Variants in FRMPD4 observed in about 807,000 individuals in gnomAD.
The protein encoded by FRMPD4 is FERM and PDZ domain-containing protein 4.
In FRMPD4, 22 loss-of-function variants were observed where a neutral mutation model predicts 94.1. The observed-to-expected ratio is 0.23, with a 90% CI of 0.17 to 0.33. The LOEUF is 0.33. Ranked by LOEUF, FRMPD4 falls within the 10% of genes least tolerant of loss-of-function variation. FRMPD4 has a pLI of 1.00. For synonymous variants in FRMPD4, 631 were observed against 548.6 expected (o/e 1.15, Z -2.10); for missense variants, 1,111 against 1,339.9 (o/e 0.83, Z 2.67).
intron 4 of FRMPD4, among the ~76,000 whole-genome samples, chrX:12,627,013 C>T (rs181991536): frequency 1.7e-3 from 186 of 110,897 alleles, no homozygotes; most frequent in Middle Eastern, 4.6e-3. Flanking sequence ...TGGTGGCTCA[C>T]GCCTGTAATC....
intron 1 of FRMPD4, among the ~76,000 whole-genome samples, chrX:12,226,834 T>C (rs1014661758): frequency 5.4e-5 from 6 of 110,480 alleles, no homozygotes; most frequent in Admixed American, 2.9e-4. Context: ...ACTATCTCTA[T>C]CTTCCCAGGC....
chrX:12,641,792 G>A (rs1211239537), intron 4 of FRMPD4, among the ~76,000 whole-genome samples: 4 of 112,252 alleles, frequency 3.6e-5, no homozygotes, highest in East Asian at 2.8e-4. Context: ...TATTTAACTC[G>A]GATTATAAAT....
At chrX:12,249,238 G>A (rs1211051720) in intron 1 of FRMPD4, among the ~76,000 whole-genome samples, 1 of 110,569 alleles carries the variant, frequency 9.0e-6, no homozygotes, top group Non-Finnish European at 1.9e-5. Flanking sequence ...GGCACACAAG[G>A]CATTTTTCAG....
intron 3 of FRMPD4, among the ~76,000 whole-genome samples, chrX:12,108,294 C>T (rs1196312713): frequency 9.0e-6 from 1 of 111,546 alleles, no homozygotes; most frequent in African/African-American, 3.3e-5. Flanking sequence ...AAAGAATTTT[C>T]AACCCAGAAT....
At chrX:12,715,714 A>G (rs1257259010) in intron 14 of FRMPD4, among the ~76,000 whole-genome samples, 1 of 112,302 alleles carries the variant, frequency 8.9e-6, no homozygotes, top group Admixed American at 9.4e-5. Context: ...TTAAGGGTAA[A>G]AGACATGTTG....
chrX:12,360,487 A>G (rs1481024195), intron 1 of FRMPD4, among the ~76,000 whole-genome samples: 3 of 111,414 alleles, frequency 2.7e-5, no homozygotes, highest in African/African-American at 9.8e-5. Flanking sequence ...ATGTAGGGGG[A>G]AAAAAGATGA....
chrX:12,420,501 T>C (rs892192223), intron 1 of FRMPD4, among the ~76,000 whole-genome samples: 27 of 112,028 alleles, frequency 2.4e-4, no homozygotes, highest in Non-Finnish European at 1.9e-5. Flanking sequence ...TCTCATCACC[T>C]GCCCTCCCTC....
At position 12,705,803 on chromosome X, in the gene FRMPD4, A is replaced by C. The variant is rs755647032; in HGVS notation, c.1198-1023A>C. 3.6e-5 allele frequency among the ~76,000 whole-genome samples: 4 copies of C among 111,775 alleles called. No individual in the cohort carries two copies. In the South Asian group the frequency reaches 1.5e-3, roughly 42 times the overall value. On this transcript the variant is annotated intron_variant, in intron 11 of 16. Coordinates refer to ENST00000675598, the MANE Select transcript of FRMPD4 (RefSeq NM_001368397.1). ...CAATCAACCTATCCATTTATCCATCACTGTCCTTTAAAGGTTGTTTTTCTA... is the reference window on the plus strand; with the variant it reads ...CAATCAACCTATCCATTTATCCATCCCTGTCCTTTAAAGGTTGTTTTTCTA...
intron 3 of FRMPD4, among the ~76,000 whole-genome samples, chrX:12,129,231 G>A (rs2055526001): frequency 8.9e-6 from 1 of 112,011 alleles, no homozygotes; most frequent in Non-Finnish European, 1.9e-5. Context: ...AAAGAAAAGA[G>A]GTTTAATTGA....
At chrX:11,929,270 A>G (rs1418633408) in intron 3 of FRMPD4, among the ~76,000 whole-genome samples, 1 of 112,111 alleles carries the variant, frequency 8.9e-6, no homozygotes, top group Non-Finnish European at 1.9e-5. Flanking sequence ...CTAAAAAGAG[A>G]TGTGAGTGGA....
chrX:11,994,423 A>G (rs1239064348), intron 3 of FRMPD4, among the ~76,000 whole-genome samples: 2 of 111,602 alleles, frequency 1.8e-5, no homozygotes, highest in Non-Finnish European at 3.8e-5. Context: ...AAAGGCAGAT[A>G]ATCTTGGGAG....
intron 1 of FRMPD4, among the ~76,000 whole-genome samples, chrX:12,350,072 C>T (rs1365242622): frequency 1.8e-5 from 2 of 111,148 alleles, no homozygotes; most frequent in East Asian, 5.6e-4. Flanking sequence ...AAATTAGTAA[C>T]ACATGAAACA....
intron 1 of FRMPD4, among the ~76,000 whole-genome samples, chrX:12,304,481 G>A (rs769064660): frequency 3.6e-5 from 4 of 110,932 alleles, no homozygotes; most frequent in Admixed American, 2.9e-4. Flanking sequence ...ATTGCCTAAT[G>A]TCCCCTGGGA....
At chrX:12,113,051 A>G (rs185956163) in intron 3 of FRMPD4, among the ~76,000 whole-genome samples, 3 of 111,903 alleles carry the variant, frequency 2.7e-5, no homozygotes, top group Non-Finnish European at 5.6e-5. Flanking sequence ...GGTTATTATT[A>G]TTAAGCAAGG....
chrX:12,355,960 A>G (rs2055889063), intron 1 of FRMPD4, among the ~76,000 whole-genome samples: 1 of 111,849 alleles, frequency 8.9e-6, no homozygotes, highest in African/African-American at 3.3e-5. Flanking sequence ...TTACAGAAAG[A>G]CTGGGGACGT....
At chrX:12,243,936 C>T (rs1389447620) in intron 1 of FRMPD4, among the ~76,000 whole-genome samples, 1 of 104,903 alleles carries the variant, frequency 9.5e-6, no homozygotes, top group Admixed American at 1.0e-4. Flanking sequence ...GCTGGGACTA[C>T]AGGCATACAC....
chrX:12,504,899 C>T (rs909634413), intron 2 of FRMPD4, among the ~76,000 whole-genome samples: 13 of 112,484 alleles, frequency 1.2e-4, no homozygotes, highest in Non-Finnish European at 1.9e-4. Flanking sequence ...CCTTATTTGT[C>T]CAGCAGGCCA....
intron 3 of FRMPD4, among the ~76,000 whole-genome samples, chrX:12,055,190 A>G (rs1430283958): frequency 8.9e-6 from 1 of 112,015 alleles, no homozygotes; most frequent in Non-Finnish European, 1.9e-5. Flanking sequence ...TGAAGATAAG[A>G]GTTTGCCTGC....
chrX:12,550,470 T>C (rs1465908297), intron 2 of FRMPD4, among the ~76,000 whole-genome samples: 4 of 111,655 alleles, frequency 3.6e-5, no homozygotes, highest in African/African-American at 1.3e-4. Flanking sequence ...TATTTATTTT[T>C]CCCAGGAAAG....
Sources: gnomAD v4.1 joint callset for allele counts (sites outside exome capture counted in the v4.1 genomes callset) on GRCh38, gnomAD v4.1.1 for gene constraint, MANE v1.5 for transcripts, NCBI Gene and HGNC (gene_info 2026-07-23, HGNC 2026-07-21) for gene names.